CYRIB: variants seen among roughly 807,000 people sequenced by gnomAD.
CYRIB encodes the protein CYFIP related Rac1 interactor B.
A neutral mutation model predicts 44.2 loss-of-function variants in CYRIB; 8 were observed. The observed-to-expected ratio is 0.18, with a 90% CI of 0.11 to 0.33. The LOEUF is 0.33. Among genes scored for constraint, CYRIB ranks in the 10% least tolerant of loss-of-function variants. CYRIB has a pLI of 1.00. For synonymous variants in CYRIB, 131 were observed against 127.2 expected (o/e 1.03, Z -0.20); for missense variants, 185 against 382.8 (o/e 0.48, Z 4.31).
chr8:129,849,152 G>C (rs2041974155), intron 10 of CYRIB, 91 bp downstream of exon 12: 2 of 1,241,998 alleles, frequency 1.6e-6, no homozygotes, highest in Non-Finnish European at 2.2e-6. Flanking sequence ...TTTTGTGAGA[G>C]TCCGGTTTGC....
At chr8:129,843,781 TTCAAATTAATTTA>T (rs1343544740) in intron 11 of CYRIB, 1 of 152,226 alleles carries the variant, frequency 6.6e-6, no homozygotes, top group Non-Finnish European at 1.5e-5. Context: ...TTAGGTTCAT[TTCAAATTAATTTA>T]AAAACCGAAG....
chr8:129,937,678 A>C (rs1220058831), intron 1 of CYRIB, among the ~76,000 whole-genome samples: 1 of 152,184 alleles, frequency 6.6e-6, no homozygotes, highest in Non-Finnish European at 1.5e-5. Flanking sequence ...TAACTTACTA[A>C]CCACGCCTCC....
intron 1 of CYRIB, among the ~76,000 whole-genome samples, chr8:129,925,802 A>C (rs2087321484): frequency 6.6e-6 from 1 of 152,186 alleles, no homozygotes; most frequent in African/African-American, 2.4e-5. Context: ...AAGTTCCCCA[A>C]GTGGTCACTA....
chr8:129,967,011 A>T (rs917449721), intron 2 of CYRIB, among the ~76,000 whole-genome samples: 3 of 152,316 alleles, frequency 2.0e-5, no homozygotes, highest in Middle Eastern at 3.4e-3. Flanking sequence ...AAATTTTTTT[A>T]AAAATTATCC....
rs144996937 is a variant in CYRIB at position 129,953,873 on chromosome 8, A to C, written c.-243+17070T>G. 4.6e-3 allele frequency among the ~76,000 whole-genome samples: 701 copies of C among 152,342 alleles called. 2 individuals are homozygous for C. Among genetic ancestry groups the C allele is most frequent in the Non-Finnish European group, 6.4e-3 (433 of 68,030 alleles). On this transcript the variant is annotated intron_variant, in intron 2 of 14. Transcript: ENST00000401979. ...GTGTAACCTAGTATTTGAAATACAGAGATTTAGACAGAATGACAGGAAAAA... is the reference window on the plus strand; with the variant it reads ...GTGTAACCTAGTATTTGAAATACAGCGATTTAGACAGAATGACAGGAAAAA...
At chr8:129,859,023 G>C (rs1445274169) in intron 5 of CYRIB, among the ~76,000 whole-genome samples, 1 of 152,134 alleles carries the variant, frequency 6.6e-6, no homozygotes, top group Non-Finnish European at 1.5e-5. Flanking sequence ...TGGGCCCGGG[G>C]GACCACTACC....
chr8:129,843,988 T>C (rs753835615), intron 11 of CYRIB: 11 of 152,330 alleles, frequency 7.2e-5, no homozygotes, highest in Non-Finnish European at 1.0e-4. Flanking sequence ...TAAAGGAATA[T>C]TGACATTAAA....
chr8:130,004,928 G>T (rs1385383445), intron 1 of CYRIB, among the ~76,000 whole-genome samples: 32 of 151,868 alleles, frequency 2.1e-4, no homozygotes, highest in Admixed American at 2.1e-3. Flanking sequence ...CACCACACCT[G>T]GCTAATTTTT....
intron 5 of CYRIB, among the ~76,000 whole-genome samples, chr8:129,861,031 C>T (rs137963280): frequency 4.0e-4 from 61 of 152,216 alleles, no homozygotes; most frequent in African/African-American, 1.4e-3. Context: ...TGGTTTCTGG[C>T]TTATGTATTT....
At chr8:129,846,518 C>G (rs1380870510) in intron 11 of CYRIB, among the ~76,000 whole-genome samples, 1 of 152,054 alleles carries the variant, frequency 6.6e-6, no homozygotes, top group African/African-American at 2.4e-5. Flanking sequence ...ACTTTTATTA[C>G]AAAAACAAGC....
At chr8:129,862,545 T>A (rs167239) in intron 4 of CYRIB, among the ~76,000 whole-genome samples, 85,119 of 151,800 alleles carry the variant, frequency 0.56, 24,554 homozygotes, top group African/African-American at 0.69. Context: ...ATCTCGGCTC[T>A]CTACAACCTC....
chr8:129,921,795 T>G (rs1010317204), intron 1 of CYRIB, among the ~76,000 whole-genome samples: 2 of 152,106 alleles, frequency 1.3e-5, no homozygotes, highest in African/African-American at 2.4e-5. Flanking sequence ...CAGACAAATC[T>G]TGATTATGAA....
At chr8:129,925,021 C>T (rs1325953077) in intron 1 of CYRIB, among the ~76,000 whole-genome samples, 2 of 152,162 alleles carry the variant, frequency 1.3e-5, no homozygotes, top group Admixed American at 1.3e-4. Flanking sequence ...GCACTACACG[C>T]TTTTACTCCA....
intron 2 of CYRIB, among the ~76,000 whole-genome samples, chr8:129,969,964 G>A (rs535044858): frequency 3.9e-5 from 6 of 152,122 alleles, no homozygotes; most frequent in African/African-American, 7.2e-5. Context: ...ATTTGGATAC[G>A]GCCAAGGTGG....
At chr8:129,922,308 G>A (rs1236885902) in intron 1 of CYRIB, among the ~76,000 whole-genome samples, 3 of 152,008 alleles carry the variant, frequency 2.0e-5, no homozygotes, top group Non-Finnish European at 4.4e-5. Flanking sequence ...TTCCAGTCTC[G>A]AATAGAAAAC....
At chr8:129,959,664 C>T (rs189269313) in intron 2 of CYRIB, among the ~76,000 whole-genome samples, 160 of 152,162 alleles carry the variant, frequency 1.1e-3, no homozygotes, top group Admixed American at 1.8e-3. Flanking sequence ...AGAGATAATA[C>T]TTTTACCCAT....
intron 1 of CYRIB, among the ~76,000 whole-genome samples, chr8:129,999,042 G>T (rs886203871): frequency 1.3e-5 from 2 of 151,834 alleles, no homozygotes; most frequent in Non-Finnish European, 2.9e-5. Flanking sequence ...TTCTTCCCTC[G>T]CATCTATTCA....
At chr8:129,900,599 A>G (rs2071074237) in intron 2 of CYRIB, among the ~76,000 whole-genome samples, 2 of 152,208 alleles carry the variant, frequency 1.3e-5, no homozygotes, top group Non-Finnish European at 2.9e-5. Flanking sequence ...TTATCAGAGC[A>G]CTACTATTCG....
At chr8:129,991,406 G>A (rs1007450945) in intron 1 of CYRIB, among the ~76,000 whole-genome samples, 7 of 152,078 alleles carry the variant, frequency 4.6e-5, no homozygotes, top group Non-Finnish European at 1.0e-4. Flanking sequence ...CTCTGCCCTC[G>A]TGAATGGATT....
Sources: allele counts gnomAD v4.1 joint callset (sites outside exome capture counted in the v4.1 genomes callset), GRCh38; gene constraint gnomAD v4.1.1; transcripts MANE v1.5; gene names NCBI Gene and HGNC (gene_info 2026-07-23, HGNC 2026-07-21).